Variants in MAN1A2 observed in about 807,000 individuals in gnomAD.
MAN1A2 encodes the protein mannosyl-oligosaccharide 1,2-alpha-mannosidase IB.
MAN1A2 carries 26 observed loss-of-function variants against 75.7 expected under a neutral mutation model. The ratio of observed to expected loss-of-function variants is 0.34; its 90% CI spans 0.25 to 0.48. MAN1A2 has a LOEUF of 0.48. MAN1A2 is among the 20% of genes least tolerant of loss of function. The probability of loss-of-function intolerance (pLI) is 0.99; values close to 1 mark genes in which losing one functional copy is unlikely to be tolerated. For synonymous variants in MAN1A2, 247 were observed against 264.6 expected (o/e 0.93, Z 0.65); for missense variants, 562 against 775.5 (o/e 0.72, Z 3.27).
chr1:117,389,723 T>G (rs1389982267), intron 1 of MAN1A2, among the ~76,000 whole-genome samples: 1 of 152,016 alleles, frequency 6.6e-6, no homozygotes, highest in African/African-American at 2.4e-5. Flanking sequence ...CTTTTTTTTT[T>G]GTGTGTGTCT....
chr1:117,453,789 G>T (rs7418041), intron 6 of MAN1A2, among the ~76,000 whole-genome samples: 1 of 152,208 alleles, frequency 6.6e-6, no homozygotes, highest in African/African-American at 2.4e-5. Flanking sequence ...ACAAAATGCT[G>T]TCAAACAGCA....
intron 6 of MAN1A2, among the ~76,000 whole-genome samples, chr1:117,452,577 A>C (rs1440491600): frequency 1.3e-5 from 2 of 152,242 alleles, no homozygotes; most frequent in African/African-American, 4.8e-5. Flanking sequence ...CATTCTCTTA[A>C]GCCAAAGCCT....
intron 1 of MAN1A2, among the ~76,000 whole-genome samples, chr1:117,379,127 A>G (rs1464884886): frequency 6.6e-6 from 1 of 151,940 alleles, no homozygotes; most frequent in East Asian, 1.9e-4. Context: ...TGTTTTTCAC[A>G]CCTAGGGATT....
chr1:117,378,361 CATT>C (rs1447863431), intron 1 of MAN1A2, among the ~76,000 whole-genome samples: 1 of 152,036 alleles, frequency 6.6e-6, no homozygotes, highest in Non-Finnish European at 1.5e-5. Context: ...TGTTTTTAAA[CATT>C]ATTTATCATT....
chr1:117,368,734 A>C (rs1652856689), intron 1 of MAN1A2, among the ~76,000 whole-genome samples: 1 of 152,150 alleles, frequency 6.6e-6, no homozygotes, highest in African/African-American at 2.4e-5. Context: ...GTTTTATATA[A>C]GAAAAACATT....
chr1:117,478,137 T>G (rs1358894075), intron 8 of MAN1A2, among the ~76,000 whole-genome samples: 1 of 152,000 alleles, frequency 6.6e-6, no homozygotes, highest in East Asian at 1.9e-4. Flanking sequence ...AGATGTGTAG[T>G]GGTAACTCAT....
chr1:117,524,961 T>C lies in MAN1A2; in HGVS notation c.*2004T>C, dbSNP rs560273396. The C allele has an allele frequency of 2.8e-5, 10 of 351,430 alleles. No homozygotes were observed. The highest frequency in any genetic ancestry group is 5.8e-5 in the Non-Finnish European group (10 of 171,198). The allele number at this position is 351,430 out of a possible 1,614,324, so 21.8% of individuals were successfully genotyped here. ...TAGCACAAGCCCACTTATGAATCACTGAGAAAAAGTGAAAAACTTGAGTTG... is the reference window on the plus strand; with the variant it reads ...TAGCACAAGCCCACTTATGAATCACCGAGAAAAAGTGAAAAACTTGAGTTG... On this transcript the variant is annotated 3_prime_UTR_variant, in exon 13 of 13. Transcript: ENST00000356554.
At chr1:117,412,969 A>G (rs1647871266) in intron 3 of MAN1A2, among the ~76,000 whole-genome samples, 1 of 151,960 alleles carries the variant, frequency 6.6e-6, no homozygotes, top group Non-Finnish European at 1.5e-5. Context: ...ACTATCTACA[A>G]AAATTAAAAT....
At chr1:117,463,392 TG>T (rs1649885618) in intron 7 of MAN1A2, among the ~76,000 whole-genome samples, 1 of 152,002 alleles carries the variant, frequency 6.6e-6, no homozygotes. Flanking sequence ...AATATGTAAT[TG>T]CCTACAGCTC....
chr1:117,514,381 AAAAG>A (rs1651646929), intron 12 of MAN1A2, among the ~76,000 whole-genome samples: 1 of 151,974 alleles, frequency 6.6e-6, no homozygotes, highest in African/African-American at 2.4e-5. Context: ...AAAAAGAAGA[AAAAG>A]AAAGTTTTAT....
chr1:117,412,964 C>G (rs1325054968), intron 3 of MAN1A2, among the ~76,000 whole-genome samples: 2 of 151,658 alleles, frequency 1.3e-5, no homozygotes, highest in Admixed American at 1.3e-4. Flanking sequence ...GCAGAACTAT[C>G]TACAAAAATT....
intron 8 of MAN1A2, among the ~76,000 whole-genome samples, chr1:117,471,405 G>A (rs1056049962): frequency 6.6e-6 from 1 of 151,832 alleles, no homozygotes; most frequent in African/African-American, 2.4e-5. Flanking sequence ...TTAGAAACCT[G>A]CCATTAACTG....
intron 1 of MAN1A2, among the ~76,000 whole-genome samples, chr1:117,400,972 T>A (rs1289422395): frequency 6.6e-6 from 1 of 152,148 alleles, no homozygotes; most frequent in African/African-American, 2.4e-5. Context: ...ACTCTTTTCA[T>A]CTTGCAAACC....
At chr1:117,424,118 A>T (rs1648290642) in intron 5 of MAN1A2, among the ~76,000 whole-genome samples, 1 of 152,146 alleles carries the variant, frequency 6.6e-6, no homozygotes, top group South Asian at 2.1e-4. Context: ...TACCTTATAA[A>T]CAATCATGTC....
intron 12 of MAN1A2, among the ~76,000 whole-genome samples, chr1:117,504,158 T>C (rs1429992196): frequency 2.0e-5 from 3 of 151,418 alleles, no homozygotes; most frequent in African/African-American, 7.3e-5. Flanking sequence ...ACTGTAGAAG[T>C]TGAAAGAGCA....
intron 8 of MAN1A2, among the ~76,000 whole-genome samples, chr1:117,467,285 TAAG>T (rs750713521): frequency 6.1e-4 from 93 of 152,254 alleles, no homozygotes; most frequent in Non-Finnish European, 9.9e-4. Flanking sequence ...AATGAAATCT[TAAG>T]TAGTAAATAA....
rs367641247 is a variant in MAN1A2, at chr1:117,397,177, G to C, written c.303-5009G>C. On this transcript the variant is annotated intron_variant, in intron 1 of 12. Coordinates refer to ENST00000356554, the MANE Select transcript of MAN1A2 (RefSeq NM_006699.5). ...AGTTGATATTGGTTCTTCTGAAATA[G>C]TTTACTCACTAAACTCTTAAGCAAA... 1.4e-4 allele frequency among the ~76,000 whole-genome samples: 22 copies of C among 152,170 alleles called. No homozygotes were observed. The East Asian group carries it at 2.9e-3, about 20-fold the overall frequency.
chr1:117,448,706 C>T (rs918923801), intron 6 of MAN1A2, among the ~76,000 whole-genome samples: 6 of 152,152 alleles, frequency 3.9e-5, no homozygotes, highest in Admixed American at 1.3e-4. Context: ...TGGAGAGAAG[C>T]ATATCCAGTG....
At chr1:117,431,187 T>G (rs1328128679) in intron 5 of MAN1A2, among the ~76,000 whole-genome samples, 7 of 50,900 alleles carry the variant, frequency 1.4e-4, no homozygotes, top group East Asian at 7.9e-4. Context: ...AGGGAGACCG[T>G]GGGGAGAGGG....
Sources: allele counts gnomAD v4.1 joint callset (sites outside exome capture counted in the v4.1 genomes callset), GRCh38; gene constraint gnomAD v4.1.1; transcripts MANE v1.5; gene names NCBI Gene and HGNC (gene_info 2026-07-23, HGNC 2026-07-21).